The following MGAM2 variants were observed in gnomAD, a reference collection of about 807,000 sequenced individuals.
MGAM2 encodes probable maltase-glucoamylase 2.
Under a neutral mutation model 96.1 loss-of-function variants are expected in MGAM2, and 98 were observed. That is an observed-to-expected ratio of 1.02 (90% CI 0.87 to 1.21). The LOEUF (loss-of-function observed/expected upper bound fraction) is 1.21. MGAM2 is among the 50% of genes most tolerant of loss of function. The pLI is 0.00. For missense variants in MGAM2, 2,055 were observed against 1,182.4 expected, an observed-to-expected ratio of 1.74 and a Z score of -10.82; for synonymous variants, 749 against 414.8, an observed-to-expected ratio of 1.81 and a Z score of -9.79.
At position 142,196,888 on chromosome 7, in the gene MGAM2, T is replaced by TTATA. The variant is rs560489482; in HGVS notation, c.4632+73_4632+76dup. Reference sequence around the variant, plus strand: ...AACTTCTTTTTAACCCCCAGGACTATTATACTCATTTCCTGAGAAAAATCA... The same window carrying TTATA: ...AACTTCTTTTTAACCCCCAGGACTATTATATATACTCATTTCCTGAGAAAAATCA... On this transcript the variant is annotated intron_variant, in intron 40 of 47. Coordinates refer to ENST00000477922, the MANE Select transcript of MGAM2 (RefSeq NM_001293626.2). 188 of 658,746 alleles carry TTATA rather than the reference T, an allele frequency of 2.9e-4. 1 individual carries two copies. The African/African-American group carries it at 3.1e-3, about 11-fold the overall frequency. The allele number at this position is 658,746 out of a possible 1,614,324, so 40.8% of individuals were successfully genotyped here.
chr7:142,168,224 T>A (rs529661534), intron 26 of MGAM2, among the ~76,000 whole-genome samples: 1 of 152,130 alleles, frequency 6.6e-6, no homozygotes, highest in Non-Finnish European at 1.5e-5. Flanking sequence ...GGGTTTCCAA[T>A]TCAGTAGACC....
At chr7:142,121,880 A>G (rs1318082715) in intron 3 of MGAM2, among the ~76,000 whole-genome samples, 6 of 151,946 alleles carry the variant, frequency 3.9e-5, no homozygotes, top group Non-Finnish European at 7.4e-5. Flanking sequence ...CGTATTGTCT[A>G]TTTCTTCCAG....
chr7:142,181,686 C>T (rs1379620061), intron 32 of MGAM2, among the ~76,000 whole-genome samples: 1 of 152,158 alleles, frequency 6.6e-6, no homozygotes, highest in Admixed American at 6.5e-5. Flanking sequence ...CCTGCAGCTC[C>T]CTGTTGGTCC....
At chr7:142,188,788 TA>T (rs533386612) in intron 36 of MGAM2, among the ~76,000 whole-genome samples, 3 of 152,364 alleles carry the variant, frequency 2.0e-5, no homozygotes, top group African/African-American at 7.2e-5. Flanking sequence ...CACTTTGTTT[TA>T]AAATAGGCCT....
In MGAM2 at chr7:142,221,627, A is replaced by C. The variant is rs1168338616; in HGVS notation, c.7116A>C (p.Thr2372=). 2 of 469,138 alleles carry C rather than the reference A, an allele frequency of 4.3e-6. No individual in the cohort carries two copies. The highest frequency in any genetic ancestry group is 3.9e-5 in the African/African-American group (2 of 50,798). The allele number at this position is 469,138 out of a possible 1,614,324, so 29.1% of individuals were successfully genotyped here. Residue 2372 remains threonine, a synonymous_variant, in exon 48 of 48, where the codon ACA becomes ACC. Coordinates refer to ENST00000477922, the MANE Select transcript of MGAM2 (RefSeq NM_001293626.2). ...STKDNTMSPD[T]TVTSIDKFTT... ...AAGATAATACCATGAGTCCAGATAC[A>C]ACAGTTACTTCCATAGACAAATTCA...
intron 15 of MGAM2, among the ~76,000 whole-genome samples, chr7:142,149,583 C>T (rs931886307): frequency 5.9e-5 from 9 of 152,124 alleles, no homozygotes; most frequent in African/African-American, 2.2e-4. Flanking sequence ...CTCTGTCGCC[C>T]AGGCTGGAGT....
chr7:142,197,733 G>A lies in MGAM2; in HGVS notation c.4866+5G>A. On this transcript the variant is annotated splice_donor_5th_base_variant and intron_variant, in intron 42 of 47. Coordinates refer to ENST00000477922, the MANE Select transcript of MGAM2 (RefSeq NM_001293626.2). ...ATCAGCCCTGTGTTGGAAACTGTGA[G>A]TTCTTCATTGTAGGTCAGAAAACCT... 2 of 702,946 alleles carry A rather than the reference G, an allele frequency of 2.8e-6. No homozygotes were observed. The highest frequency in any genetic ancestry group is 5.2e-6 in the Non-Finnish European group (2 of 384,972). The allele number at this position is 702,946 out of a possible 1,614,324, so 43.5% of individuals were successfully genotyped here. A position where few individuals can be genotyped will look rare whatever the true frequency, so the allele number is the denominator to read the frequency against.
At chr7:142,119,973 G>T (rs1351283043) in intron 2 of MGAM2, among the ~76,000 whole-genome samples, 1 of 152,186 alleles carries the variant, frequency 6.6e-6, no homozygotes, top group African/African-American at 2.4e-5. Flanking sequence ...TCTGGAATTC[G>T]ACAGCGGTCA....
At chr7:142,140,123 C>T (rs1254111062) in intron 10 of MGAM2, among the ~76,000 whole-genome samples, 1 of 152,182 alleles carries the variant, frequency 6.6e-6, no homozygotes, top group Admixed American at 6.5e-5. Context: ...AGGAAGGTGG[C>T]AGATTGGGGA....
rs1795095989 is a variant in MGAM2 at position 142,137,552 on chromosome 7, C to A, written c.960+7C>A. 2 of 691,670 alleles carry A rather than the reference C, an allele frequency of 2.9e-6. No individual in the cohort carries two copies. The highest frequency in any genetic ancestry group is 1.5e-5 in the South Asian group (1 of 65,580). 42.8% of individuals were successfully genotyped at this position (691,670 alleles called of 1,614,324 possible). On this transcript the variant is annotated splice_region_variant and intron_variant, in intron 9 of 47. Coordinates refer to ENST00000477922, the MANE Select transcript of MGAM2 (RefSeq NM_001293626.2). The stretch of plus-strand genomic sequence containing the variant: ...GGTTCAGGAATACTTGGAGGTATGT[C>A]TTTGCATTTAGATAGTCATTATTTA...
chr7:142,146,015 A>T (rs1451824689), intron 14 of MGAM2, among the ~76,000 whole-genome samples: 1 of 152,096 alleles, frequency 6.6e-6, no homozygotes, highest in African/African-American at 2.4e-5. Flanking sequence ...TTAAGGAGTA[A>T]ATAATTTTTT....
intron 13 of MGAM2, among the ~76,000 whole-genome samples, 151 bp from the exon 14 acceptor site, chr7:142,144,710 G>C (rs13229622): frequency 0.25 from 37,951 of 152,052 alleles, 4,925 homozygotes; most frequent in East Asian, 0.41. Context: ...AGATGAAACA[G>C]AGGGTAAGAA....
rs534770531 is a variant in MGAM2, at chr7:142,149,023, T to A, written c.1634+1450T>A. On this transcript the variant is annotated intron_variant, in intron 15 of 47. Transcript: ENST00000477922. Reference sequence around the variant, plus strand: ...GGGCAGATCACCTGAGTTCAGGAGTTTGAGACCAGCCTGGCCATCATAGTG... The same window carrying A: ...GGGCAGATCACCTGAGTTCAGGAGTATGAGACCAGCCTGGCCATCATAGTG... 2.0e-5 allele frequency among the ~76,000 whole-genome samples: 3 copies of A among 152,192 alleles called. No individual in the cohort carries two copies. In the East Asian group the frequency reaches 5.8e-4, roughly 29 times the overall value.
Position 142,196,597 on chromosome 7 carries a change from T to G in MGAM2, c.4513T>G (p.Tyr1505Asp), listed in dbSNP as rs1156523501. 1.4e-6 allele frequency: 1 copy of G among 724,260 alleles called. No individual in the cohort carries two copies. Among genetic ancestry groups the G allele is most frequent in the Non-Finnish European group, 2.5e-6 (1 of 393,512 alleles). 44.9% of individuals were successfully genotyped at this position (724,260 alleles called of 1,614,324 possible). A position where few individuals can be genotyped will look rare whatever the true frequency, so the allele number is the denominator to read the frequency against. Residue 1505 changes from tyrosine to aspartate, a missense_variant and splice_region_variant, in exon 39 of 48, where the codon TAT (tyrosine) becomes GAT (aspartate). Coordinates refer to ENST00000477922, the MANE Select transcript of MGAM2 (RefSeq NM_001293626.2). ...GGAGTTCAGTCTCTTTGGAATACCT[T>G]ATGTAAGTCACATTCAGACCATTAC... ...MMEFSLFGIP[Y>D]TGADICGFFG...
Position 142,160,254 on chromosome 7 carries a change from G to T in MGAM2, c.2341G>T (p.Ala781Ser), listed in dbSNP as rs1350722479. The change falls in exon 21 of 48, where the codon GCC becomes TCC. Residue 781 changes from alanine to serine, a missense_variant. Coordinates refer to ENST00000477922, the MANE Select transcript of MGAM2 (RefSeq NM_001293626.2). ...PTQKPNTTTE[A>S]SRRNSLGLII... ...TCAGAAGCCAAACACAACCACAGAA[G>T]CCAGGTAAGCTCCTTACTCTTCTAA... 4.9e-5 allele frequency: 34 copies of T among 699,498 alleles called. 1 individual carries two copies. Among genetic ancestry groups the T allele is most frequent in the Non-Finnish European group, 2.6e-6 (1 of 383,346 alleles). The allele number at this position is 699,498 out of a possible 1,614,324, so 43.3% of individuals were successfully genotyped here. A position where few individuals can be genotyped will look rare whatever the true frequency, so the allele number is the denominator to read the frequency against.
At chr7:142,206,950 G>C (rs1177842299) in intron 45 of MGAM2, among the ~76,000 whole-genome samples, 1 of 152,176 alleles carries the variant, frequency 6.6e-6, no homozygotes, top group African/African-American at 2.4e-5. Flanking sequence ...GCTAGAAGAG[G>C]CTGTAGTGTT....
chr7:142,204,930 G>A (rs77195476), intron 45 of MGAM2, among the ~76,000 whole-genome samples: 1,663 of 152,062 alleles, frequency 0.011, 30 homozygotes, highest in African/African-American at 0.038. Flanking sequence ...GGCATACTAC[G>A]GTGCCAATTT....
At chr7:142,202,846 C>T (rs1797282211) in intron 45 of MGAM2, among the ~76,000 whole-genome samples, 1 of 152,110 alleles carries the variant, frequency 6.6e-6, no homozygotes, top group Non-Finnish European at 1.5e-5. Flanking sequence ...AATGAGATTG[C>T]TGGGTTGAAT....
chr7:142,115,908 C>T (rs1025550787), intron 1 of MGAM2, among the ~76,000 whole-genome samples: 2 of 152,088 alleles, frequency 1.3e-5, no homozygotes, highest in African/African-American at 4.8e-5. Flanking sequence ...AAGGACATTG[C>T]TCATTTGCAT....
Sources: gnomAD v4.1 joint callset for allele counts (sites outside exome capture counted in the v4.1 genomes callset) on GRCh38, gnomAD v4.1.1 for gene constraint, MANE v1.5 for transcripts, NCBI Gene and HGNC (gene_info 2026-07-23, HGNC 2026-07-21) for gene names.